FUT8: variants seen among roughly 807,000 people sequenced by gnomAD.
The protein encoded by FUT8 is fucosyltransferase 8.
In FUT8, 29 loss-of-function variants were observed where a neutral mutation model predicts 71.3. The ratio of observed to expected loss-of-function variants is 0.41; its 90% CI spans 0.30 to 0.55. The LOEUF is 0.55. Ranked by LOEUF, FUT8 falls within the 20% of genes least tolerant of loss-of-function variation. The probability of loss-of-function intolerance (pLI) is 0.34; values close to 1 mark genes in which losing one functional copy is unlikely to be tolerated. For missense variants in FUT8, 544 were observed against 702.1 expected, an observed-to-expected ratio of 0.77 and a Z score of 2.55; for synonymous variants, 254 against 239.3, an observed-to-expected ratio of 1.06 and a Z score of -0.57.
Position 65,619,007 on chromosome 14 carries a change from G to T in FUT8, c.482+2634G>T, listed in dbSNP as rs148325050. On this transcript the variant is annotated intron_variant, in intron 5 of 10. Coordinates refer to ENST00000673929, the MANE Select transcript of FUT8 (RefSeq NM_001371533.1). The stretch of plus-strand genomic sequence containing the variant: ...CCCTGGCCACTTTGTACTTGCGATG[G>T]CATGTGAAGTGGGGTGTAGTATTAT... Among the ~76,000 whole-genome samples the T allele has an allele frequency of 2.8e-3, 432 of 152,244 alleles. 2 individuals carry two copies. Among genetic ancestry groups the T allele is most frequent in the African/African-American group, 9.9e-3 (411 of 41,522 alleles).
chr14:65,665,990 A>G (rs1420610651), intron 6 of FUT8, among the ~76,000 whole-genome samples: 2 of 152,126 alleles, frequency 1.3e-5, no homozygotes, highest in African/African-American at 4.8e-5. Context: ...TACTAGACTT[A>G]AAACCTGAGT....
chr14:65,707,816 T>C (rs1455286685), intron 7 of FUT8, among the ~76,000 whole-genome samples: 1 of 152,194 alleles, frequency 6.6e-6, no homozygotes, highest in African/African-American at 2.4e-5. Context: ...TCAGTTCTGT[T>C]CCATTGGTCG....
chr14:65,634,470 G>C (rs150498983), intron 6 of FUT8, among the ~76,000 whole-genome samples: 3,897 of 148,736 alleles, frequency 0.026, 69 homozygotes, highest in Non-Finnish European at 0.042. Flanking sequence ...AGAGACCTTT[G>C]TTCACTTGTT....
At chr14:65,547,477 T>A (rs559780609) in intron 2 of FUT8, among the ~76,000 whole-genome samples, 1 of 151,568 alleles carries the variant, frequency 6.6e-6, no homozygotes, top group Non-Finnish European at 1.5e-5. Flanking sequence ...AAATTAGAAA[T>A]GAGGAGGGGG....
chr14:65,440,485 A>T (rs1253122672), intron 1 of FUT8, among the ~76,000 whole-genome samples: 1 of 151,958 alleles, frequency 6.6e-6, no homozygotes, highest in Non-Finnish European at 1.5e-5. Flanking sequence ...CCAGCTAGAG[A>T]GTAGATTTTA....
In FUT8 at chr14:65,413,394, G is replaced by T. The variant is rs1273234001; in HGVS notation, c.-326+180G>T. Among the ~76,000 whole-genome samples, 1 of 152,206 alleles carries T rather than the reference G, an allele frequency of 6.6e-6. No homozygotes were observed. Among genetic ancestry groups the T allele is most frequent in the Non-Finnish European group, 1.5e-5 (1 of 68,028 alleles). ...GGGGAGGGAGCCCCCGGGACGCTCTGGCGGATGCCTTGGCGCAGCCCCGGG... is the reference window on the plus strand; with the variant it reads ...GGGGAGGGAGCCCCCGGGACGCTCTTGCGGATGCCTTGGCGCAGCCCCGGG... On this transcript the variant is annotated intron_variant, in intron 1 of 10. Transcript: ENST00000673929. This position sits in a 1 kb window ranked among gnomAD's most constrained non-coding sequence, Gnocchi z 4.1.
Position 65,742,207 on chromosome 14 carries a change from G to T in FUT8, c.1525G>T (p.Ala509Ser). The change falls in exon 11 of 11, where the codon GCC (alanine) becomes TCC (serine). Residue 509 changes from alanine to serine, a missense_variant. Physicochemically the swap from Ala to Ser is moderately conservative, Grantham distance 99. Coordinates refer to ENST00000673929, the MANE Select transcript of FUT8 (RefSeq NM_001371533.1). Reference protein sequence around the residue: ...FGGQNAHNQIAIYAHQPRTAD... With the variant: ...FGGQNAHNQISIYAHQPRTAD... ...GGGCCAGAATGCCCACAATCAAATT[G>T]CCATTTATGCTCACCAACCCCGAAC... The T allele has an allele frequency of 6.2e-7, 1 of 1,613,106 alleles. No homozygotes were observed. Among genetic ancestry groups the T allele is most frequent in the Non-Finnish European group, 8.5e-7 (1 of 1,179,420 alleles).
the FUT8 span, among the ~76,000 whole-genome samples, chr14:65,374,050 G>T: frequency 1.3e-5 from 2 of 152,202 alleles, no homozygotes; most frequent in African/African-American, 4.8e-5. Flanking sequence ...GGAACCAGTT[G>T]CCCCCAAAGG....
At chr14:65,548,898 A>G (rs1375985060) in intron 2 of FUT8, among the ~76,000 whole-genome samples, 1 of 152,176 alleles carries the variant, frequency 6.6e-6, no homozygotes, top group East Asian at 1.9e-4. Context: ...CAAGCAATCT[A>G]AAAAATGGGC....
intron 7 of FUT8, among the ~76,000 whole-genome samples, chr14:65,717,600 G>T (rs1430913437): frequency 7.0e-6 from 1 of 143,532 alleles, no homozygotes; most frequent in Non-Finnish European, 1.5e-5. Context: ...TCCCAGACGG[G>T]GCGGCCGGGC....
chr14:65,733,335 ATT>A lies in FUT8; in HGVS notation c.1367_1368del (p.Phe456SerfsTer21). The stretch of plus-strand genomic sequence containing the variant: ...CTTCGTGGAGTGATCCTGGATATAC[ATT>A]TTCTCTCTCAGGCAGACTTCCTAGT... On this transcript the variant is annotated frameshift_variant, in exon 10 of 11. Transcript: ENST00000673929. LOFTEE classifies it high-confidence loss of function. 1 of 1,608,492 alleles carries A rather than the reference ATT, an allele frequency of 6.2e-7. No individual in the cohort carries two copies. Among genetic ancestry groups the A allele is most frequent in the Non-Finnish European group, 8.5e-7 (1 of 1,177,146 alleles).
intron 7 of FUT8, among the ~76,000 whole-genome samples, chr14:65,677,151 T>TGTGTGTGTGTGTGCGCGCGCGCGCGC: frequency 6.3e-5 from 7 of 110,700 alleles, no homozygotes; most frequent in Admixed American, 3.7e-4. Flanking sequence ...TGTGTGTGTG[T>TGTGTGTGTGTGTGCGCGCGCGCGCGC]GCGCGCGCGC....
intron 1 of FUT8, among the ~76,000 whole-genome samples, chr14:65,453,369 T>C (rs2065854733): frequency 1.3e-5 from 2 of 152,214 alleles, no homozygotes; most frequent in African/African-American, 4.8e-5. Flanking sequence ...TTTTTAACTT[T>C]TAGGTATTGC....
At chr14:65,707,520 G>T (rs1894610264) in intron 7 of FUT8, among the ~76,000 whole-genome samples, 1 of 151,534 alleles carries the variant, frequency 6.6e-6, no homozygotes, top group African/African-American at 2.4e-5. Flanking sequence ...GTCTATTTTT[G>T]CTTTTGCTGC....
At chr14:65,666,902 A>G (rs1331979748) in intron 6 of FUT8, among the ~76,000 whole-genome samples, 1 of 152,216 alleles carries the variant, frequency 6.6e-6, no homozygotes, top group Admixed American at 6.6e-5. Flanking sequence ...TTCATCACAT[A>G]GGCAGAACTA....
At position 65,533,860 on chromosome 14, in the gene FUT8, C is replaced by T. The variant is rs562978493; in HGVS notation, c.-227-27477C>T. 2.3e-4 allele frequency among the ~76,000 whole-genome samples: 35 copies of T among 152,142 alleles called. No homozygotes were observed. In the South Asian group the frequency reaches 7.3e-3, roughly 32 times the overall value. On this transcript the variant is annotated intron_variant, in intron 2 of 10. Transcript: ENST00000673929. Reference sequence around the variant, plus strand: ...AGGGATGGTGACTTTTGCCGAAAGTCTTTTCTGTATGTATTGAGATGATCA... The same window carrying T: ...AGGGATGGTGACTTTTGCCGAAAGTTTTTTCTGTATGTATTGAGATGATCA...
chr14:65,382,585 C>G, the FUT8 span, among the ~76,000 whole-genome samples: 2 of 152,114 alleles, frequency 1.3e-5, no homozygotes, highest in African/African-American at 4.8e-5. Flanking sequence ...GGTGATCTGC[C>G]CGCCTGGACC....
intron 3 of FUT8, among the ~76,000 whole-genome samples, chr14:65,585,782 G>T (rs1887349344): frequency 6.6e-6 from 1 of 152,216 alleles, no homozygotes; most frequent in Non-Finnish European, 1.5e-5. Context: ...TTTCCTCAAA[G>T]CTGACACAAC....
At chr14:65,366,189 T>C in the FUT8 span, among the ~76,000 whole-genome samples, 1 of 152,190 alleles carries the variant, frequency 6.6e-6, no homozygotes, top group Admixed American at 6.5e-5. Flanking sequence ...GGAATTTATA[T>C]TCTAATAGAG....
Sources: allele counts gnomAD v4.1 joint callset (sites outside exome capture counted in the v4.1 genomes callset), GRCh38; gene constraint gnomAD v4.1.1; non-coding constraint Gnocchi (gnomAD v3.1); transcripts MANE v1.5; gene names NCBI Gene and HGNC (gene_info 2026-07-23, HGNC 2026-07-21).